Variants in PCGF3 observed in about 807,000 individuals in gnomAD.
The protein encoded by PCGF3 is polycomb group ring finger 3, also known as polycomb group RING finger protein 3.
A neutral mutation model predicts 33.1 loss-of-function variants in PCGF3; 7 were observed. That is an observed-to-expected ratio of 0.21 (90% CI 0.12 to 0.40). PCGF3 has a LOEUF of 0.40. PCGF3 is among the 10% of genes least tolerant of loss of function. The pLI is 1.00. For missense variants in PCGF3, 211 were observed against 313.3 expected (o/e 0.67, Z 2.46); for synonymous variants, 153 against 121.3 (o/e 1.26, Z -1.72).
intron 9 of PCGF3, 80 bp downstream of exon 9, chr4:761,496 T>C (rs1745055833): frequency 1.8e-5 from 26 of 1,450,458 alleles, no homozygotes; most frequent in Non-Finnish European, 2.3e-5. Flanking sequence ...TTTGCTTAGT[T>C]TTGTTTTGTT....
At chr4:706,035 C>T (rs945180831) in intron 1 of PCGF3, 65 bp downstream of exon 1, 3 of 152,636 alleles carry the variant, frequency 2.0e-5, no homozygotes, top group African/African-American at 4.8e-5. Context: ...CGGCCTCGGC[C>T]CGTGTCCGGC....
intron 1 of PCGF3, among the ~76,000 whole-genome samples, chr4:710,433 A>C (rs1742515173): frequency 6.6e-6 from 1 of 152,238 alleles, no homozygotes; most frequent in Non-Finnish European, 1.5e-5. Flanking sequence ...AGGGGACTCC[A>C]AAACGGTGAG....
chr4:722,900 C>T (rs909891996), intron 1 of PCGF3, among the ~76,000 whole-genome samples: 1 of 125,096 alleles, frequency 8.0e-6, no homozygotes, highest in Non-Finnish European at 1.7e-5. Flanking sequence ...CCATCCACGC[C>T]GGGTCCACAC....
At chr4:706,649 A>C (rs868460056) in intron 1 of PCGF3, among the ~76,000 whole-genome samples, 9 of 119,554 alleles carry the variant, frequency 7.5e-5, no homozygotes, top group African/African-American at 9.7e-5. Context: ...GGCAGGACCC[A>C]GGGAGGGCGA....
exon 1 of PCGF3, chr4:705,940 G>T (rs752263893): frequency 6.6e-6 from 1 of 152,144 alleles, no homozygotes; most frequent in Non-Finnish European, 1.5e-5. Flanking sequence ...CCCCGCGTGC[G>T]CCTTGCTCGC....
At chr4:719,505 C>G (rs886454711) in intron 1 of PCGF3, among the ~76,000 whole-genome samples, 12 of 152,162 alleles carry the variant, frequency 7.9e-5, no homozygotes, top group African/African-American at 2.4e-4. Flanking sequence ...TGTGAGCCGC[C>G]CCCCCAGGTC....
chr4:765,207 G>T (rs956137539), intron 10 of PCGF3, 143 bp downstream of exon 10: 1 of 600,748 alleles, frequency 1.7e-6, no homozygotes, highest in East Asian at 3.1e-5. Context: ...GACGAGGCGG[G>T]CGGATCACGA....
chr4:720,006 G>A lies in PCGF3; in HGVS notation c.-189-10624G>A, dbSNP rs1443085380. Among the ~76,000 whole-genome samples the A allele has an allele frequency of 6.6e-6, 1 of 152,180 alleles. No individual in the cohort carries two copies. Among genetic ancestry groups the A allele is most frequent in the Non-Finnish European group, 1.5e-5 (1 of 68,016 alleles). ...TAATGTTGGGCTGGGGGCATCTGTG[G>A]GGCCAGTTGCAGCAGTTTGGTCATT... On this transcript the variant is annotated intron_variant, in intron 1 of 10. Coordinates refer to ENST00000362003, the Ensembl canonical transcript of PCGF3. This position sits in a 1 kb window ranked among gnomAD's most constrained non-coding sequence, Gnocchi z 5.6.
exon 11 of PCGF3, chr4:766,692 G>A (rs116108910): frequency 4.9e-4 from 74 of 152,150 alleles, no homozygotes; most frequent in African/African-American, 1.8e-3. Flanking sequence ...TGACTGGTTC[G>A]CCTTTCATTG....
intron 1 of PCGF3, among the ~76,000 whole-genome samples, chr4:729,807 G>T (rs908283068): frequency 2.0e-5 from 3 of 152,226 alleles, no homozygotes; most frequent in Non-Finnish European, 4.4e-5. Context: ...TGAAGAGCAT[G>T]AAAGTATTTA....
At chr4:741,258 CAG>C (rs1744077611) in intron 6 of PCGF3, among the ~76,000 whole-genome samples, 1 of 152,184 alleles carries the variant, frequency 6.6e-6, no homozygotes. Context: ...AATTTCTTCT[CAG>C]AAGTGAAAAT....
At chr4:739,499 G>C (rs1010817663) in intron 6 of PCGF3, among the ~76,000 whole-genome samples, 5 of 152,180 alleles carry the variant, frequency 3.3e-5, no homozygotes, top group African/African-American at 1.2e-4. Flanking sequence ...GCCTGTTTTT[G>C]TTTATTCCAA....
intron 1 of PCGF3, among the ~76,000 whole-genome samples, chr4:722,848 C>T (rs556335338): frequency 1.2e-5 from 1 of 82,586 alleles, no homozygotes. Flanking sequence ...GGTCCACACT[C>T]GCGACATCGC....
exon 11 of PCGF3, chr4:769,704 G>T (rs547389524): frequency 6.6e-6 from 1 of 152,450 alleles, no homozygotes; most frequent in Non-Finnish European, 1.5e-5. Flanking sequence ...CAGTTTGAGC[G>T]TTCCCCTGAG....
At chr4:712,475 T>G (rs1245557042) in intron 1 of PCGF3, among the ~76,000 whole-genome samples, 1 of 152,318 alleles carries the variant, frequency 6.6e-6, no homozygotes, top group Non-Finnish European at 1.5e-5. Flanking sequence ...GAGATGGAGT[T>G]TTGCTCTTGT....
At chr4:722,385 C>T in intron 1 of PCGF3, 1 of 201,134 alleles carries the variant, frequency 5.0e-6, no homozygotes, top group Non-Finnish European at 1.0e-5. Flanking sequence ...GAGCTGGAGG[C>T]TGCCCCAGGC....
intron 4 of PCGF3, 152 bp downstream of exon 4, chr4:733,941 G>A (rs1259937780): frequency 2.6e-6 from 4 of 1,554,476 alleles, no homozygotes; most frequent in Non-Finnish European, 2.6e-6. Flanking sequence ...TTGAAGATAA[G>A]TCAGAAAAGT....
intron 3 of PCGF3, chr4:732,629 C>G (rs1287147221): frequency 5.3e-5 from 8 of 152,232 alleles, no homozygotes; most frequent in Admixed American, 5.2e-4. Context: ...AGGCCCGCGC[C>G]TGCAGCAGGC....
In PCGF3 at chr4:737,711, A is replaced by C. The variant is rs137925840; in HGVS notation, c.262+190A>C. 6.6e-5 allele frequency among the ~76,000 whole-genome samples: 10 copies of C among 152,300 alleles called. No individual in the cohort carries two copies. In the East Asian group the frequency reaches 1.7e-3, roughly 26 times the overall value. On this transcript the variant is annotated intron_variant, in intron 6 of 10. Transcript: ENST00000362003. Reference sequence around the variant, plus strand: ...CTTCTTTCGTCTAAGATGCGTAGACATCTTTTTACCCCTTATGTGTATTCA... The same window carrying C: ...CTTCTTTCGTCTAAGATGCGTAGACCTCTTTTTACCCCTTATGTGTATTCA...
Sources: allele counts gnomAD v4.1 joint callset (sites outside exome capture counted in the v4.1 genomes callset), GRCh38; gene constraint gnomAD v4.1.1; non-coding constraint Gnocchi (gnomAD v3.1); transcripts MANE v1.5; gene names NCBI Gene and HGNC (gene_info 2026-07-23, HGNC 2026-07-21).